Variants in CDK14 observed in about 807,000 individuals in gnomAD.
CDK14 encodes the protein cyclin-dependent kinase 14.
Under a neutral mutation model 60.7 loss-of-function variants are expected in CDK14, and 34 were observed. That is an observed-to-expected ratio of 0.56 (90% CI 0.43 to 0.75). The LOEUF is 0.75. CDK14 is among the 30% of genes least tolerant of loss of function. The pLI is 0.00. For missense variants in CDK14, 482 were observed against 564.1 expected (o/e 0.85, Z 1.47); for synonymous variants, 197 against 203.7 (o/e 0.97, Z 0.28).
intron 11 of CDK14, among the ~76,000 whole-genome samples, chr7:91,056,914 G>T: frequency 6.6e-6 from 1 of 151,954 alleles, no homozygotes; most frequent in African/African-American, 2.4e-5. Flanking sequence ...AGTCCTTTGG[G>T]TATATACCCA....
At chr7:91,053,897 CT>C (rs1797470871) in intron 11 of CDK14, among the ~76,000 whole-genome samples, 1 of 152,128 alleles carries the variant, frequency 6.6e-6, no homozygotes, top group Admixed American at 6.5e-5. Flanking sequence ...CTTCCTTACT[CT>C]TCTAGAAGAG....
intron 2 of CDK14, among the ~76,000 whole-genome samples, chr7:90,663,346 A>T (rs771460820): frequency 7.2e-5 from 11 of 152,136 alleles, no homozygotes; most frequent in Non-Finnish European, 1.6e-4. Context: ...TTTCATACGG[A>T]GGGTGTCGTA....
At chr7:90,637,449 G>C (rs1800180919) in intron 2 of CDK14, among the ~76,000 whole-genome samples, 1 of 152,038 alleles carries the variant, frequency 6.6e-6, no homozygotes, top group Admixed American at 6.5e-5. Flanking sequence ...GCGGTTTTGA[G>C]TGAGTTTCTT....
intron 8 of CDK14, among the ~76,000 whole-genome samples, chr7:90,937,771 G>A (rs17399145): frequency 0.035 from 5,349 of 152,274 alleles, 140 homozygotes; most frequent in Non-Finnish European, 0.049. Context: ...GGTTCATGGA[G>A]CATAATTTGC....
chr7:90,641,997 T>G (rs1219251680), intron 2 of CDK14, among the ~76,000 whole-genome samples: 1 of 152,152 alleles, frequency 6.6e-6, no homozygotes, highest in Admixed American at 6.5e-5. Flanking sequence ...CTCACTATCA[T>G]GAGAACAGCA....
intron 2 of CDK14, among the ~76,000 whole-genome samples, chr7:90,684,772 C>G (rs1375885659): frequency 1.3e-5 from 2 of 152,272 alleles, no homozygotes; most frequent in African/African-American, 4.8e-5. Context: ...TTAAAACTTA[C>G]CTGTCTGTCC....
chr7:90,661,864 C>T (rs1489159594), intron 2 of CDK14, among the ~76,000 whole-genome samples: 2 of 120,270 alleles, frequency 1.7e-5, no homozygotes, highest in Non-Finnish European at 3.5e-5. Context: ...ATACGGTGCC[C>T]TACCCATGTA....
intron 2 of CDK14, among the ~76,000 whole-genome samples, chr7:90,679,987 TAA>T (rs1242481289): frequency 6.6e-6 from 1 of 152,196 alleles, no homozygotes; most frequent in Non-Finnish European, 1.5e-5. Flanking sequence ...TAGATGTAAT[TAA>T]AAATTACTAT....
chr7:90,728,324 G>A (rs764803113), intron 3 of CDK14, among the ~76,000 whole-genome samples: 7 of 151,514 alleles, frequency 4.6e-5, no homozygotes, highest in Admixed American at 6.6e-5. Context: ...TCTCTTTTAC[G>A]ATAACATTTT....
chr7:91,099,462 G>A (rs943729906), intron 12 of CDK14, among the ~76,000 whole-genome samples: 6 of 152,064 alleles, frequency 3.9e-5, no homozygotes, highest in East Asian at 1.9e-4. Flanking sequence ...GGAAAATTGG[G>A]TAATCTTTAT....
At chr7:90,604,335 A>T in intron 2 of CDK14, 86 bp downstream of exon 2, 2 of 633,830 alleles carry the variant, frequency 3.2e-6, no homozygotes, top group East Asian at 6.7e-5. Context: ...ACCTGGAAAC[A>T]AAAAAAATGC....
chr7:91,193,034 A>G (rs1802419365), intron 14 of CDK14, among the ~76,000 whole-genome samples: 1 of 152,182 alleles, frequency 6.6e-6, no homozygotes, highest in Admixed American at 6.5e-5. Flanking sequence ...CATATGGGGC[A>G]GTGTAGGAAA....
At chr7:90,850,791 AAGAAG>A (rs1790624505) in intron 5 of CDK14, among the ~76,000 whole-genome samples, 1 of 152,140 alleles carries the variant, frequency 6.6e-6, no homozygotes, top group Non-Finnish European at 1.5e-5. Flanking sequence ...GAGAGGTTTT[AAGAAG>A]AGAAGTGACT....
At chr7:90,655,778 A>T (rs1800739633) in intron 2 of CDK14, among the ~76,000 whole-genome samples, 1 of 152,148 alleles carries the variant, frequency 6.6e-6, no homozygotes, top group Non-Finnish European at 1.5e-5. Context: ...TCCTGTGGCC[A>T]CCAATAATTC....
intron 4 of CDK14, among the ~76,000 whole-genome samples, chr7:90,784,147 A>G (rs1315930394): frequency 2.0e-5 from 3 of 152,208 alleles, no homozygotes; most frequent in Non-Finnish European, 4.4e-5. Flanking sequence ...ACGGGAGGAC[A>G]TTAACTTCGT....
chr7:90,968,451 T>C (rs1449955731), intron 9 of CDK14, among the ~76,000 whole-genome samples: 2 of 152,174 alleles, frequency 1.3e-5, no homozygotes, highest in African/African-American at 4.8e-5. Flanking sequence ...CTTCCTATTT[T>C]CCTACACCCA....
chr7:91,011,074 A>T (rs1408635751), intron 10 of CDK14, among the ~76,000 whole-genome samples: 1 of 151,874 alleles, frequency 6.6e-6, no homozygotes, highest in Non-Finnish European at 1.5e-5. Context: ...CAGACAATTG[A>T]TACTGCTTTG....
At chr7:90,766,355 C>G (rs990216486) in intron 4 of CDK14, among the ~76,000 whole-genome samples, 7 of 152,112 alleles carry the variant, frequency 4.6e-5, no homozygotes, top group Non-Finnish European at 7.4e-5. Flanking sequence ...TGTATGTAAG[C>G]AAATACATTT....
chr7:91,023,626 ATTG>A (rs1796491058), intron 10 of CDK14, among the ~76,000 whole-genome samples: 1 of 152,272 alleles, frequency 6.6e-6, no homozygotes, highest in East Asian at 1.9e-4. Context: ...TACCACTACT[ATTG>A]TTGTCATTAG....
Sources: gnomAD v4.1 joint callset for allele counts (sites outside exome capture counted in the v4.1 genomes callset) on GRCh38, gnomAD v4.1.1 for gene constraint, MANE v1.5 for transcripts, NCBI Gene and HGNC (gene_info 2026-07-23, HGNC 2026-07-21) for gene names.